WDR76: variants seen among roughly 807,000 people sequenced by gnomAD.
The protein encoded by WDR76 is WD repeat domain 76, also known as WD repeat-containing protein 76.
WDR76 carries 52 observed loss-of-function variants against 70.2 expected under a neutral mutation model. The ratio of observed to expected loss-of-function variants is 0.74; its 90% CI spans 0.59 to 0.93. The LOEUF (loss-of-function observed/expected upper bound fraction) is 0.93. WDR76 is among the 40% of genes least tolerant of loss of function. WDR76 has a pLI of 0.00. For missense variants in WDR76, 756 were observed against 760.2 expected (o/e 0.99, Z 0.07); for synonymous variants, 292 against 271.1 (o/e 1.08, Z -0.76).
chr15:43,851,275 T>A (rs1259790004), intron 9 of WDR76, 30 bp downstream of exon 9: 19 of 1,606,442 alleles, frequency 1.2e-5, no homozygotes, highest in Non-Finnish European at 1.6e-5. Context: ...CATGCTGACT[T>A]CAGATGATAT....
At chr15:43,840,263 C>A (rs1295221066) in intron 5 of WDR76, among the ~76,000 whole-genome samples, 1 of 151,834 alleles carries the variant, frequency 6.6e-6, no homozygotes, top group Non-Finnish European at 1.5e-5. Context: ...AGTTAATTAA[C>A]CTTTCTGATT....
At chr15:43,844,154 C>T (rs2087758695) in intron 8 of WDR76, 100 bp downstream of exon 8, 2 of 1,160,698 alleles carry the variant, frequency 1.7e-6, no homozygotes, top group Non-Finnish European at 1.1e-6. Flanking sequence ...TTGCGTGAGA[C>T]TTACAATTTT....
At position 43,851,184 on chromosome 15, in the gene WDR76, T is replaced by A; in HGVS notation, c.1130T>A (p.Leu377Gln). Residue 377 changes from leucine to glutamine, a missense_variant, in exon 9 of 13, where the codon CTG becomes CAG. Leu to Gln is a moderately radical substitution (Grantham distance 113, BLOSUM62 -2). Coordinates refer to ENST00000263795, the MANE Select transcript of WDR76 (RefSeq NM_024908.4). ...TCACCCGCCAATCCGGCCCACATAC[T>A]GTCACTGAGCTATGATGGCACGTTA... ...YFSPANPAHI[L>Q]SLSYDGTLRC... 6.2e-7 allele frequency: 1 copy of A among 1,614,196 alleles called. No individual in the cohort carries two copies. The highest frequency in any genetic ancestry group is 8.5e-7 in the Non-Finnish European group (1 of 1,180,028).
At chr15:43,856,016 T>TC (rs1324940881) in intron 9 of WDR76, among the ~76,000 whole-genome samples, 1 of 152,200 alleles carries the variant, frequency 6.6e-6, no homozygotes, top group East Asian at 1.9e-4. Context: ...TACATTTTTT[T>TC]CTCCTCTTCT....
chr15:43,838,963 A>C (rs1226211277), intron 4 of WDR76, among the ~76,000 whole-genome samples: 2 of 152,308 alleles, frequency 1.3e-5, no homozygotes, highest in Non-Finnish European at 2.9e-5. Context: ...TAATTCTCGA[A>C]GTAATGTGGA....
intron 8 of WDR76, among the ~76,000 whole-genome samples, chr15:43,845,984 T>A (rs953271773): frequency 1.3e-5 from 2 of 150,026 alleles, no homozygotes; most frequent in Non-Finnish European, 3.0e-5. Flanking sequence ...TGATAAGATG[T>A]GAGTGGGGAT....
At chr15:43,851,687 A>C (rs1489341018) in intron 9 of WDR76, among the ~76,000 whole-genome samples, 4 of 151,928 alleles carry the variant, frequency 2.6e-5, no homozygotes, top group Admixed American at 2.6e-4. Context: ...TAATCTCAGC[A>C]CTTTGGGAAG....
At chr15:43,849,781 C>G (rs2087833617) in intron 8 of WDR76, among the ~76,000 whole-genome samples, 1 of 152,256 alleles carries the variant, frequency 6.6e-6, no homozygotes, top group South Asian at 2.1e-4. Flanking sequence ...CGTGATCCAC[C>G]CACCTCAGCC....
intron 1 of WDR76, among the ~76,000 whole-genome samples, 183 bp from the exon 2 acceptor site, chr15:43,827,782 C>A (rs558758461): frequency 6.6e-6 from 1 of 152,070 alleles, no homozygotes; most frequent in African/African-American, 2.4e-5. Flanking sequence ...CCTGACCTCG[C>A]GATCTGCCCG....
chr15:43,843,959 AC>A lies in WDR76; in HGVS notation c.938del (p.Thr313LysfsTer18). 6.2e-7 allele frequency: 1 copy of A among 1,612,760 alleles called. No individual in the cohort carries two copies. Among genetic ancestry groups the A allele is most frequent in the South Asian group, 1.1e-5 (1 of 90,854 alleles). ...TGAAGATACCGTTTACAAAGTTACCACAGGCCCAATATTCTCTATGGCTCTC... is the reference window on the plus strand; with the variant it reads ...TGAAGATACCGTTTACAAAGTTACCAAGGCCCAATATTCTCTATGGCTCTC... Reference protein sequence around the residue: ...ISEDTVYKVTTGPIFSMALHP... With the variant: ...ISEDTVYKVTXGPIFSMALHP... On this transcript the variant is annotated frameshift_variant, in exon 8 of 13. Transcript: ENST00000263795. LOFTEE classifies it high-confidence loss of function.
At chr15:43,846,749 C>G (rs1308152137) in intron 8 of WDR76, among the ~76,000 whole-genome samples, 1 of 151,786 alleles carries the variant, frequency 6.6e-6, no homozygotes. Flanking sequence ...CAGCCGGACG[C>G]GGTGGCTCAC....
Position 43,836,173 on chromosome 15 carries a change from C to T in WDR76, c.565C>T (p.Leu189Phe). ...SLQLSESAAR[L>F]REMIEKRQPP... ...TTATACTTTACAGTCTGCTGCAAGA[C>T]TCCGTGAAATGATAGAGAAGAGACA... Residue 189 changes from leucine to phenylalanine, a missense_variant, in exon 4 of 13, where the codon CTC (leucine) becomes TTC (phenylalanine). Physicochemically the swap from Leu to Phe is conservative, Grantham distance 22 (BLOSUM62 0). Coordinates refer to ENST00000263795, the MANE Select transcript of WDR76 (RefSeq NM_024908.4). 1 of 1,608,134 alleles carries T rather than the reference C, an allele frequency of 6.2e-7. No individual in the cohort carries two copies. Among genetic ancestry groups the T allele is most frequent in the Admixed American group, 1.7e-5 (1 of 59,188 alleles).
chr15:43,861,220 GAC>G, intron 11 of WDR76, 111 bp from the exon 12 acceptor site: 1 of 906,308 alleles, frequency 1.1e-6, no homozygotes, highest in East Asian at 2.5e-5. Flanking sequence ...ATTTTTAAGT[GAC>G]AGTTATATAT....
At chr15:43,844,222 C>T (rs1304318635) in intron 8 of WDR76, among the ~76,000 whole-genome samples, 168 bp downstream of exon 8, 2 of 152,158 alleles carry the variant, frequency 1.3e-5, no homozygotes, top group African/African-American at 4.8e-5. Context: ...TTTAAATTTG[C>T]TTTATAGAAC....
At position 43,828,242 on chromosome 15, in the gene WDR76, C is replaced by T. The variant is rs1800346514; in HGVS notation, c.338C>T (p.Ser113Phe). The change falls in exon 2 of 13, where the codon TCC becomes TTC. Residue 113 changes from serine to phenylalanine, a missense_variant. Physicochemically the swap from Ser to Phe is radical, Grantham distance 155. Coordinates refer to ENST00000263795, the MANE Select transcript of WDR76 (RefSeq NM_024908.4). ...SKAESTLQNS[S>F]SAVHTESNKL... ...GCAGAATCCACGCTGCAAAATTCAT[C>T]CTCAGCTGTTCATACTGAAAGTAAC... is the stretch of plus-strand genomic sequence containing the variant. The T allele has an allele frequency of 6.2e-7, 1 of 1,614,190 alleles. No individual in the cohort carries two copies. The highest frequency in any genetic ancestry group is 8.5e-7 in the Non-Finnish European group (1 of 1,180,044).
rs372992085 is a variant in WDR76, at chr15:43,827,925, G to A, written c.61-40G>A. ...TCCTGTAAGAAAAGGCACAGGACTT[G>A]GAGTTCTAATATTCTGTTTTCTTTT... On this transcript the variant is annotated intron_variant, in intron 1 of 12. Coordinates refer to ENST00000263795, the MANE Select transcript of WDR76 (RefSeq NM_024908.4). 56 of 1,530,930 alleles carry A rather than the reference G, an allele frequency of 3.7e-5. 1 individual carries two copies. Among genetic ancestry groups the A allele is most frequent in the Non-Finnish European group, 2.6e-6 (3 of 1,139,246 alleles). The allele number at this position is 1,530,930 out of a possible 1,614,324, so 94.8% of individuals were successfully genotyped here.
At chr15:43,844,809 T>G (rs966815481) in intron 8 of WDR76, among the ~76,000 whole-genome samples, 17 of 147,054 alleles carry the variant, frequency 1.2e-4, no homozygotes, top group South Asian at 4.5e-4. Context: ...GTGCCTGTAG[T>G]CCCAGCTACT....
chr15:43,850,590 C>T (rs967262820), intron 8 of WDR76, among the ~76,000 whole-genome samples: 12 of 152,064 alleles, frequency 7.9e-5, no homozygotes, highest in East Asian at 1.9e-4. Flanking sequence ...CCACCGCGCC[C>T]GGCCATTTTT....
intron 1 of WDR76, 121 bp from the exon 2 acceptor site, chr15:43,827,844 C>A: frequency 8.6e-7 from 1 of 1,157,396 alleles, no homozygotes; most frequent in South Asian, 1.7e-5. Context: ...TGCACCTGGC[C>A]TCAATTTGGA....
Sources: allele counts gnomAD v4.1 joint callset (sites outside exome capture counted in the v4.1 genomes callset), GRCh38; gene constraint gnomAD v4.1.1; transcripts MANE v1.5; gene names NCBI Gene and HGNC (gene_info 2026-07-23, HGNC 2026-07-21).